Variants in KCNQ1OT1 observed in about 807,000 individuals in gnomAD.
KCNQ1OT1 encodes KCNQ1 antisense RNA 2 (non-protein coding).
In KCNQ1OT1 at chr11:2,697,066, A is replaced by C. The variant is rs576843213; in HGVS notation, n.2929T>G. The C allele has an allele frequency of 1.8e-5, 7 of 398,570 alleles. No individual in the cohort carries two copies. The South Asian group carries it at 5.1e-4, about 29-fold the overall frequency. The allele number at this position is 398,570 out of a possible 1,614,324, so 24.7% of individuals were successfully genotyped here. On this transcript the variant is annotated non_coding_transcript_exon_variant, in exon 1 of 1. Coordinates refer to ENST00000597346, the Ensembl canonical transcript of KCNQ1OT1. Reference sequence around the variant, plus strand: ...TTCAGGAAAGGTCAAAAACATTTTCATAATAATACTCGACATTATTTGCCT... The same window carrying C: ...TTCAGGAAAGGTCAAAAACATTTTCCTAATAATACTCGACATTATTTGCCT...
Position 2,651,755 on chromosome 11 carries a change from A to C in KCNQ1OT1, n.48240T>G. 1 of 398,622 alleles carries C rather than the reference A, an allele frequency of 2.5e-6. No individual in the cohort carries two copies. The highest frequency in any genetic ancestry group is 2.1e-5 in the African/African-American group (1 of 48,730). The allele number at this position is 398,622 out of a possible 1,614,324, so 24.7% of individuals were successfully genotyped here. ...TATACGTTTTCTCTGATTACTGGAAATTCCTCAAGTGTTGACCATTTTGAT... is the reference window on the plus strand; with the variant it reads ...TATACGTTTTCTCTGATTACTGGAACTTCCTCAAGTGTTGACCATTTTGAT... On this transcript the variant is annotated non_coding_transcript_exon_variant, in exon 1 of 1. Transcript: ENST00000597346. This position sits in a 1 kb window ranked among gnomAD's most constrained non-coding sequence, Gnocchi z 6.1.
exon 1 of KCNQ1OT1, chr11:2,684,738 G>C (rs1003264738): frequency 5.0e-6 from 2 of 398,548 alleles, no homozygotes; most frequent in South Asian, 2.5e-4. Flanking sequence ...GGGTAGGTCT[G>C]CCTGGGAGAA....
chr11:2,662,933 T>C (rs1185357544), exon 1 of KCNQ1OT1: 32 of 398,536 alleles, frequency 8.0e-5, no homozygotes, highest in Non-Finnish European at 1.3e-4. Context: ...GCCATGTGTG[T>C]CTTTGTCGTA....
At chr11:2,699,883 G>A in exon 1 of KCNQ1OT1, 1 of 398,546 alleles carries the variant, frequency 2.5e-6, no homozygotes, top group South Asian at 1.3e-4. Context: ...GGAGCCCCGG[G>A]GAGGACCACG....
rs1006501007 is a variant in KCNQ1OT1, at chr11:2,612,713, G to A, written n.87282C>T. The A allele has an allele frequency of 2.3e-5, 9 of 398,364 alleles. No homozygotes were observed. Among genetic ancestry groups the A allele is most frequent in the East Asian group, 1.1e-4 (3 of 28,056 alleles). The allele number at this position is 398,364 out of a possible 1,614,324, so 24.7% of individuals were successfully genotyped here. On this transcript the variant is annotated non_coding_transcript_exon_variant, in exon 1 of 1. Transcript: ENST00000597346. The surrounding 1 kb of genome is among the most constrained non-coding windows in gnomAD (Gnocchi z 5.5). ...GTTATAATACTTACTTTGAAATCGC[G>A]CCCTAACATTTGGGGCCCTTCAGAG...
In KCNQ1OT1 at chr11:2,661,790, C is replaced by G. The variant is rs921420681; in HGVS notation, n.38205G>C. On this transcript the variant is annotated non_coding_transcript_exon_variant, in exon 1 of 1. Coordinates refer to ENST00000597346, the Ensembl canonical transcript of KCNQ1OT1. The surrounding 1 kb of genome is among the most constrained non-coding windows in gnomAD (Gnocchi z 5.9). The stretch of plus-strand genomic sequence containing the variant: ...GAGGTGTCAGGCACTTTGGGGCCAT[C>G]TTAAACACCCACCCACCCCAACACC... 3 of 754,848 alleles carry G rather than the reference C, an allele frequency of 4.0e-6. No individual in the cohort carries two copies. Among genetic ancestry groups the G allele is most frequent in the Non-Finnish European group, 6.7e-6 (3 of 447,464 alleles). 46.8% of individuals were successfully genotyped at this position (754,848 alleles called of 1,614,324 possible). A position where few individuals can be genotyped will look rare whatever the true frequency, so the allele number is the denominator to read the frequency against.
chr11:2,651,595 G>A lies in KCNQ1OT1; in HGVS notation n.48400C>T, dbSNP rs1161573747. On this transcript the variant is annotated non_coding_transcript_exon_variant, in exon 1 of 1. Coordinates refer to ENST00000597346, the Ensembl canonical transcript of KCNQ1OT1. The surrounding 1 kb of genome is among the most constrained non-coding windows in gnomAD (Gnocchi z 6.1). ...CCATGTCTCCAGTGCCTGCCACATA[G>A]CAGGTCCTCCAAGATTTGCTGATCT... is the stretch of plus-strand genomic sequence containing the variant. 1.5e-5 allele frequency: 6 copies of A among 398,530 alleles called. No individual in the cohort carries two copies. The highest frequency in any genetic ancestry group is 4.4e-6 in the Non-Finnish European group (1 of 226,094). The allele number at this position is 398,530 out of a possible 1,614,324, so 24.7% of individuals were successfully genotyped here.
In KCNQ1OT1 at chr11:2,661,943, C is replaced by T; in HGVS notation, n.38052G>A. The T allele has an allele frequency of 6.2e-7, 1 of 1,614,138 alleles. No homozygotes were observed. Among genetic ancestry groups the T allele is most frequent in the Non-Finnish European group, 8.5e-7 (1 of 1,180,034 alleles). On this transcript the variant is annotated non_coding_transcript_exon_variant, in exon 1 of 1. Coordinates refer to ENST00000597346, the Ensembl canonical transcript of KCNQ1OT1. The surrounding 1 kb of genome is among the most constrained non-coding windows in gnomAD (Gnocchi z 5.9). ...TGGGTGGGAGGCCTAACGTGCTGTC[C>T]CCACACTTTCTCCTCAGTAAGGAAG... is the stretch of plus-strand genomic sequence containing the variant.
chr11:2,687,011 A>G lies in KCNQ1OT1; in HGVS notation n.12984T>C, dbSNP rs1850501131. 2.5e-6 allele frequency: 1 copy of G among 398,566 alleles called. No homozygotes were observed. The highest frequency in any genetic ancestry group is 2.1e-5 in the African/African-American group (1 of 48,644). The allele number at this position is 398,566 out of a possible 1,614,324, so 24.7% of individuals were successfully genotyped here. ...GGCCCTGACTTGCTAAGATGGGAGC[A>G]AGAGCTTAGGGCTAAAACTCAGCAG... On this transcript the variant is annotated non_coding_transcript_exon_variant, in exon 1 of 1. Coordinates refer to ENST00000597346, the Ensembl canonical transcript of KCNQ1OT1. This position sits in a 1 kb window ranked among gnomAD's most constrained non-coding sequence, Gnocchi z 5.0.
At position 2,673,980 on chromosome 11, in the gene KCNQ1OT1, G is replaced by C. The variant is rs954551285; in HGVS notation, n.26015C>G. The C allele has an allele frequency of 4.8e-6, 1 of 207,792 alleles. No homozygotes were observed. Among genetic ancestry groups the C allele is most frequent in the Non-Finnish European group, 9.3e-6 (1 of 107,452 alleles). 12.9% of individuals were successfully genotyped at this position (207,792 alleles called of 1,614,324 possible). A position where few individuals can be genotyped will look rare whatever the true frequency, so the allele number is the denominator to read the frequency against. On this transcript the variant is annotated non_coding_transcript_exon_variant, in exon 1 of 1. Coordinates refer to ENST00000597346, the Ensembl canonical transcript of KCNQ1OT1. This position sits in a 1 kb window ranked among gnomAD's most constrained non-coding sequence, Gnocchi z 4.5. ...AGCCACAAGGGGATGCCCAGCATTG[G>C]GGGTGGGGTGGGGGGAGGGCCCTCC...
chr11:2,696,167 C>T (rs1251386013), exon 1 of KCNQ1OT1: 2 of 398,584 alleles, frequency 5.0e-6, no homozygotes, highest in East Asian at 3.6e-5. Context: ...CTTTCTGGAT[C>T]CTGTTTAAGA....
chr11:2,617,225 T>C lies in KCNQ1OT1; in HGVS notation n.82770A>G, dbSNP rs1849082284. 5.0e-6 allele frequency: 2 copies of C among 398,262 alleles called. No individual in the cohort carries two copies. The highest frequency in any genetic ancestry group is 8.9e-6 in the Non-Finnish European group (2 of 225,928). 24.7% of individuals were successfully genotyped at this position (398,262 alleles called of 1,614,324 possible). On this transcript the variant is annotated non_coding_transcript_exon_variant, in exon 1 of 1. Coordinates refer to ENST00000597346, the Ensembl canonical transcript of KCNQ1OT1. The surrounding 1 kb of genome is among the most constrained non-coding windows in gnomAD (Gnocchi z 4.6). ...TATCCTTTGACCTACATCTTTCCAT[T>C]TTCTTCCCCCACACCTTGCCCATGG...
At position 2,623,993 on chromosome 11, in the gene KCNQ1OT1, G is replaced by A. The variant is rs181162813; in HGVS notation, n.76002C>T. 97 of 398,822 alleles carry A rather than the reference G, an allele frequency of 2.4e-4. No homozygotes were observed. Among genetic ancestry groups the A allele is most frequent in the Non-Finnish European group, 3.8e-4 (86 of 226,268 alleles). 24.7% of individuals were successfully genotyped at this position (398,822 alleles called of 1,614,324 possible). A position where few individuals can be genotyped will look rare whatever the true frequency, so the allele number is the denominator to read the frequency against. ...TGCACCACTTTACATTCCCATTAAT[G>A]GTATATGTCAAAGTGGCTGTACCAT... On this transcript the variant is annotated non_coding_transcript_exon_variant, in exon 1 of 1. Transcript: ENST00000597346. This position sits in a 1 kb window ranked among gnomAD's most constrained non-coding sequence, Gnocchi z 5.2.
At chr11:2,628,059 G>A (rs1386569853) in exon 1 of KCNQ1OT1, 1 of 398,584 alleles carries the variant, frequency 2.5e-6, no homozygotes, top group East Asian at 3.6e-5. Context: ...TGAATACTAT[G>A]TTGCTCATTT....
In KCNQ1OT1 at chr11:2,669,907, G is replaced by C; in HGVS notation, n.30088C>G. ...CTTAATAAGATGTGCCTAGAGGCCT[G>C]AGAGTCCCAAGCTCCAGGACAGTCT... On this transcript the variant is annotated non_coding_transcript_exon_variant, in exon 1 of 1. Transcript: ENST00000597346. This position sits in a 1 kb window ranked among gnomAD's most constrained non-coding sequence, Gnocchi z 5.6. 2.5e-6 allele frequency: 1 copy of C among 398,630 alleles called. No homozygotes were observed. Among genetic ancestry groups the C allele is most frequent in the Non-Finnish European group, 4.4e-6 (1 of 226,086 alleles). 24.7% of individuals were successfully genotyped at this position (398,630 alleles called of 1,614,324 possible).
Position 2,626,385 on chromosome 11 carries a change from A to G in KCNQ1OT1, n.73610T>C, listed in dbSNP as rs190525016. The G allele has an allele frequency of 2.8e-4, 112 of 398,600 alleles. No homozygotes were observed. Among genetic ancestry groups the G allele is most frequent in the Non-Finnish European group, 4.5e-4 (102 of 226,072 alleles). 24.7% of individuals were successfully genotyped at this position (398,600 alleles called of 1,614,324 possible). On this transcript the variant is annotated non_coding_transcript_exon_variant, in exon 1 of 1. Transcript: ENST00000597346. This position sits in a 1 kb window ranked among gnomAD's most constrained non-coding sequence, Gnocchi z 4.0. ...TTGTTGAAAATACAGCACTTTCCCTATTGAATGGTCTTGGCACTCTTCTCA... is the reference window on the plus strand; with the variant it reads ...TTGTTGAAAATACAGCACTTTCCCTGTTGAATGGTCTTGGCACTCTTCTCA...
chr11:2,619,868 T>A (rs963371376), exon 1 of KCNQ1OT1: 21 of 398,426 alleles, frequency 5.3e-5, no homozygotes, highest in Non-Finnish European at 8.0e-5. Flanking sequence ...TTAACTTTTA[T>A]TTTTGATTTA....
exon 1 of KCNQ1OT1, chr11:2,638,332 T>G (rs1440892639): frequency 6.6e-6 from 1 of 152,248 alleles, no homozygotes; most frequent in Non-Finnish European, 1.5e-5. Context: ...CTTTCCATGT[T>G]TAGTGCTTCC....
rs1354942574 is a variant in KCNQ1OT1 at position 2,652,721 on chromosome 11, C to G, written n.47274G>C. 2 of 398,890 alleles carry G rather than the reference C, an allele frequency of 5.0e-6. No individual in the cohort carries two copies. Among genetic ancestry groups the G allele is most frequent in the Non-Finnish European group, 8.8e-6 (2 of 226,318 alleles). The allele number at this position is 398,890 out of a possible 1,614,324, so 24.7% of individuals were successfully genotyped here. On this transcript the variant is annotated non_coding_transcript_exon_variant, in exon 1 of 1. Coordinates refer to ENST00000597346, the Ensembl canonical transcript of KCNQ1OT1. This position sits in a 1 kb window ranked among gnomAD's most constrained non-coding sequence, Gnocchi z 5.9. ...GCTCTCTTTCCGTTTCCTGGGCTCACTCACGCTCAGGGTTGACCCTGTCCT... is the reference window on the plus strand; with the variant it reads ...GCTCTCTTTCCGTTTCCTGGGCTCAGTCACGCTCAGGGTTGACCCTGTCCT...
Sources: gnomAD v4.1 joint callset for allele counts on GRCh38, gnomAD v4.1.1 for gene constraint, Gnocchi (gnomAD v3.1) non-coding constraint, MANE v1.5 for transcripts, NCBI Gene and HGNC (gene_info 2026-07-23, HGNC 2026-07-21) for gene names.